NRG2: variants seen among roughly 807,000 people sequenced by gnomAD.
The protein encoded by NRG2 is neuregulin 2, also known as pro-neuregulin-2, membrane-bound isoform.
In NRG2, 27 loss-of-function variants were observed where a neutral mutation model predicts 73.9. The ratio of observed to expected loss-of-function variants is 0.37; its 90% CI spans 0.27 to 0.50. The LOEUF (loss-of-function observed/expected upper bound fraction) is 0.50. Ranked by LOEUF, NRG2 falls within the 20% of genes least tolerant of loss-of-function variation. The pLI is 0.96. For synonymous variants in NRG2, 532 were observed against 541.0 expected (o/e 0.98, Z 0.23); for missense variants, 1,126 against 1,210.1 (o/e 0.93, Z 1.03).
At position 139,946,808 on chromosome 5, in the gene NRG2, TTTCTTTGGAGAAATGTCTTTAATTTC is replaced by T. The variant is rs1302921961; in HGVS notation, c.701-59323_701-59298del. Among the ~76,000 whole-genome samples the T allele has an allele frequency of 4.6e-5, 7 of 152,160 alleles. No homozygotes were observed. In the South Asian group the frequency reaches 1.0e-3, roughly 22 times the overall value. ...ATCTGGTTAAAAATGGGTTTAATTT[TTTCTTTGGAGAAATGTCTTTAATTTC>T]TTCTTTGGAGAAATGTCTATTCAAA... On this transcript the variant is annotated intron_variant, in intron 1 of 9. Transcript: ENST00000361474.
At chr5:139,905,599 A>G (rs1324505203) in intron 1 of NRG2, among the ~76,000 whole-genome samples, 1 of 151,540 alleles carries the variant, frequency 6.6e-6, no homozygotes. Flanking sequence ...GGGTGGGAAC[A>G]CAGAAAGGGG....
intron 1 of NRG2, among the ~76,000 whole-genome samples, chr5:139,911,248 G>A (rs185205482): frequency 6.6e-6 from 1 of 152,260 alleles, no homozygotes; most frequent in East Asian, 1.9e-4. Flanking sequence ...CCTTGGGTAA[G>A]TACTTTTCTC....
chr5:139,850,282 C>A (rs1479741110), intron 9 of NRG2, among the ~76,000 whole-genome samples: 1 of 152,176 alleles, frequency 6.6e-6, no homozygotes, highest in Non-Finnish European at 1.5e-5. Flanking sequence ...TGTTCTACAG[C>A]TGAGGGAACA....
At chr5:140,025,465 C>T (rs766189558) in intron 1 of NRG2, among the ~76,000 whole-genome samples, 10 of 152,044 alleles carry the variant, frequency 6.6e-5, no homozygotes, top group East Asian at 1.9e-4. Flanking sequence ...GTTTATTGAG[C>T]GCCTATTACG....
chr5:139,994,625 C>T (rs762370491), intron 1 of NRG2, among the ~76,000 whole-genome samples: 1 of 152,086 alleles, frequency 6.6e-6, no homozygotes, highest in Non-Finnish European at 1.5e-5. Flanking sequence ...GTTAAGATGG[C>T]AAATTTTGTG....
intron 1 of NRG2, among the ~76,000 whole-genome samples, chr5:139,896,916 T>C (rs1253704491): frequency 6.6e-6 from 1 of 152,178 alleles, no homozygotes; most frequent in Admixed American, 6.5e-5. Flanking sequence ...CCCACCTTCC[T>C]TACCTGGCAG....
intron 1 of NRG2, among the ~76,000 whole-genome samples, chr5:139,968,901 T>G (rs1408426763): frequency 6.6e-6 from 1 of 152,188 alleles, no homozygotes; most frequent in Non-Finnish European, 1.5e-5. Context: ...CCGAGGCCGG[T>G]GCAGGAGCTG....
chr5:139,968,806 G>A (rs1363751799), intron 1 of NRG2, among the ~76,000 whole-genome samples: 1 of 152,262 alleles, frequency 6.6e-6, no homozygotes, highest in Non-Finnish European at 1.5e-5. Context: ...AGAGGCATCC[G>A]CTGGTCCTCA....
At chr5:139,940,927 G>A (rs34596629) in intron 1 of NRG2, among the ~76,000 whole-genome samples, 20,758 of 152,138 alleles carry the variant, frequency 0.14, 1,514 homozygotes, top group South Asian at 0.25. Context: ...GGTGGACAGC[G>A]TCAGTAAATA....
At chr5:139,941,536 A>G (rs1753403352) in intron 1 of NRG2, among the ~76,000 whole-genome samples, 1 of 152,184 alleles carries the variant, frequency 6.6e-6, no homozygotes. Context: ...AGTAATGCCA[A>G]ATATTGATAT....
intron 1 of NRG2, among the ~76,000 whole-genome samples, chr5:139,927,064 C>T (rs1752111371): frequency 6.6e-6 from 1 of 152,210 alleles, no homozygotes; most frequent in African/African-American, 2.4e-5. Flanking sequence ...AGTCCAGGGC[C>T]TTGTGCCAGC....
intron 1 of NRG2, among the ~76,000 whole-genome samples, chr5:139,913,798 T>G (rs1486905670): frequency 1.3e-5 from 2 of 152,236 alleles, no homozygotes; most frequent in Non-Finnish European, 2.9e-5. Context: ...CAGCAACTTA[T>G]GGACAATTTC....
In NRG2 at chr5:139,851,859, G is replaced by T; in HGVS notation, c.1545-28C>A. 3 of 1,608,612 alleles carry T rather than the reference G, an allele frequency of 1.9e-6. No individual in the cohort carries two copies. The highest frequency in any genetic ancestry group is 2.6e-6 in the Non-Finnish European group (3 of 1,176,136). On this transcript the variant is annotated intron_variant, in intron 8 of 9. Transcript: ENST00000361474. The surrounding 1 kb of genome is among the most constrained non-coding windows in gnomAD (Gnocchi z 4.2). ...GGGAAGGCCAGATGGGGTGAGACGA[G>T]GGGTCAGGAAGGGGCAGGGCGGCCC... is the stretch of plus-strand genomic sequence containing the variant.
Position 139,853,812 on chromosome 5 carries a change from A to T in NRG2, c.1293-785T>A, listed in dbSNP as rs974035777. On this transcript the variant is annotated intron_variant, in intron 6 of 9. Coordinates refer to ENST00000361474, the MANE Select transcript of NRG2 (RefSeq NM_004883.3). This position sits in a 1 kb window ranked among gnomAD's most constrained non-coding sequence, Gnocchi z 4.1. ...GTTGGGAGGGAGGTGGGGATGGTTC[A>T]TGGGTACAAAAACTAGTTAGAAGGA... 6.6e-6 allele frequency among the ~76,000 whole-genome samples: 1 copy of T among 152,174 alleles called. No homozygotes were observed. Among genetic ancestry groups the T allele is most frequent in the African/African-American group, 2.4e-5 (1 of 41,444 alleles).
At chr5:139,953,232 T>A (rs1490929987) in intron 1 of NRG2, among the ~76,000 whole-genome samples, 10 of 152,028 alleles carry the variant, frequency 6.6e-5, no homozygotes, top group Admixed American at 6.6e-4. Context: ...AGAGAGCTAC[T>A]GAAAGCTCAA....
intron 1 of NRG2, among the ~76,000 whole-genome samples, chr5:139,947,850 C>A: frequency 6.6e-6 from 1 of 152,180 alleles, no homozygotes; most frequent in Non-Finnish European, 1.5e-5. Context: ...TGTATAGCTC[C>A]TCTGGAGAAG....
chr5:139,889,332 T>A (rs1037972469), intron 1 of NRG2, among the ~76,000 whole-genome samples: 3 of 152,166 alleles, frequency 2.0e-5, no homozygotes, highest in Admixed American at 6.5e-5. Flanking sequence ...TATATATATA[T>A]AAACATATAT....
chr5:139,848,800 C>T (rs1240781296), intron 9 of NRG2, 103 bp from the exon 10 acceptor site: 7 of 993,214 alleles, frequency 7.0e-6, no homozygotes, highest in Non-Finnish European at 9.7e-6. Context: ...CCAGACTTGC[C>T]TTAACCTTGC....
intron 1 of NRG2, among the ~76,000 whole-genome samples, chr5:139,945,500 T>C (rs1753738896): frequency 6.6e-6 from 1 of 152,136 alleles, no homozygotes; most frequent in Admixed American, 6.5e-5. Flanking sequence ...TTCTGTTCCA[T>C]TGGTCTATGT....
Sources: allele counts gnomAD v4.1 joint callset (sites outside exome capture counted in the v4.1 genomes callset), GRCh38; gene constraint gnomAD v4.1.1; non-coding constraint Gnocchi (gnomAD v3.1); transcripts MANE v1.5; gene names NCBI Gene and HGNC (gene_info 2026-07-23, HGNC 2026-07-21).